DOCK1: variants seen among roughly 807,000 people sequenced by gnomAD.
DOCK1 encodes the protein dedicator of cytokinesis 1, also known as dedicator of cytokinesis protein 1.
Under a neutral mutation model 262.7 loss-of-function variants are expected in DOCK1, and 138 were observed. The observed-to-expected ratio is 0.53, with a 90% CI of 0.46 to 0.61. The LOEUF (loss-of-function observed/expected upper bound fraction) is 0.61, where lower values mean the gene tolerates loss of function less well. Ranked by LOEUF, DOCK1 falls within the 20% of genes least tolerant of loss-of-function variation. DOCK1 has a pLI of 0.00. For missense variants in DOCK1, 1,908 were observed against 2,370.7 expected, an observed-to-expected ratio of 0.80 and a Z score of 4.05; for synonymous variants, 866 against 867.4, an observed-to-expected ratio of 1.00 and a Z score of 0.03.
Position 127,175,208 on chromosome 10 carries a change from A to C in DOCK1, c.2847+47444A>C. ...CTTCCTAAGACATGGGTGAACATAC[A>C]TACCCTTCCCGATGGGCCTCTCCTT... is the stretch of plus-strand genomic sequence containing the variant. On this transcript the variant is annotated intron_variant, in intron 27 of 51. Transcript: ENST00000623213. The surrounding 1 kb of genome is among the most constrained non-coding windows in gnomAD (Gnocchi z 6.3). 6.2e-7 allele frequency: 1 copy of C among 1,607,516 alleles called. No individual in the cohort carries two copies. The highest frequency in any genetic ancestry group is 1.7e-5 in the Admixed American group (1 of 59,706).
At chr10:127,384,947 T>C (rs2066023952) in intron 38 of DOCK1, 38 bp downstream of exon 38, 1 of 1,539,724 alleles carries the variant, frequency 6.5e-7, no homozygotes, top group Non-Finnish European at 8.7e-7. Context: ...TTTTCCTCTT[T>C]CCATGCACCT....
chr10:127,090,107 ATGCTTC>A (rs2047428573), intron 23 of DOCK1, among the ~76,000 whole-genome samples: 1 of 152,070 alleles, frequency 6.6e-6, no homozygotes, highest in African/African-American at 2.4e-5. Flanking sequence ...GGACACTGGG[ATGCTTC>A]TCCTTTCTGG....
chr10:127,187,918 G>A (rs935533332), intron 27 of DOCK1, among the ~76,000 whole-genome samples: 16 of 152,112 alleles, frequency 1.1e-4, no homozygotes, highest in Non-Finnish European at 2.1e-4. Context: ...ATGCACATAC[G>A]ATAAAGAACC....
At chr10:127,107,300 G>A (rs1261322198) in intron 24 of DOCK1, among the ~76,000 whole-genome samples, 1 of 152,082 alleles carries the variant, frequency 6.6e-6, no homozygotes, top group Admixed American at 6.5e-5. Flanking sequence ...CGGTGAAACG[G>A]AATAAAAAAT....
chr10:127,425,758 G>A (rs2068773484), intron 46 of DOCK1, 116 bp from the exon 47 acceptor site: 2 of 1,456,446 alleles, frequency 1.4e-6, no homozygotes, highest in Admixed American at 4.1e-5. Flanking sequence ...GAATCAGCTG[G>A]TTTGATTTGG....
In DOCK1 at chr10:127,215,706, A is replaced by C. The variant is rs560462084; in HGVS notation, c.2848-32302A>C. 3.6e-4 allele frequency among the ~76,000 whole-genome samples: 55 copies of C among 152,262 alleles called. 2 individuals are homozygous for C. In the South Asian group the frequency reaches 7.1e-3, roughly 20 times the overall value. On this transcript the variant is annotated intron_variant, in intron 27 of 51. Coordinates refer to ENST00000623213, the MANE Select transcript of DOCK1 (RefSeq NM_001290223.2). ...CCCAAGGTTGATTTCAAGATATATTAAATTGACCTAAAGAAAAATAAGTAG... is the reference window on the plus strand; with the variant it reads ...CCCAAGGTTGATTTCAAGATATATTCAATTGACCTAAAGAAAAATAAGTAG...
chr10:127,134,079 C>T (rs2050495502), intron 27 of DOCK1, among the ~76,000 whole-genome samples: 1 of 152,160 alleles, frequency 6.6e-6, no homozygotes, highest in Non-Finnish European at 1.5e-5. Flanking sequence ...TCTAAACAGG[C>T]CATGGTGTTA....
At chr10:127,399,975 G>A (rs1367468242) in intron 38 of DOCK1, among the ~76,000 whole-genome samples, 3 of 152,152 alleles carry the variant, frequency 2.0e-5, no homozygotes, top group Admixed American at 2.0e-4. Flanking sequence ...TAAACCTTCA[G>A]CAGGATGGGG....
intron 27 of DOCK1, among the ~76,000 whole-genome samples, chr10:127,142,398 T>C (rs1318087151): frequency 6.6e-6 from 1 of 152,138 alleles, no homozygotes; most frequent in Non-Finnish European, 1.5e-5. Flanking sequence ...GCCCTCCTGC[T>C]GGAGGGATCT....
chr10:127,125,314 G>A lies in DOCK1; in HGVS notation c.2624-160G>A, dbSNP rs190968735. On this transcript the variant is annotated intron_variant, in intron 25 of 51. Coordinates refer to ENST00000623213, the MANE Select transcript of DOCK1 (RefSeq NM_001290223.2). ...AATTATTTACAATAACAGCAGACAC[G>A]GTGTTCTCACAGTCAAGTAATTGAC... Among the ~76,000 whole-genome samples the A allele has an allele frequency of 9.9e-5, 15 of 152,258 alleles. No homozygotes were observed. In the East Asian group the frequency reaches 2.3e-3, roughly 23 times the overall value.
intron 48 of DOCK1, 121 bp from the exon 49 acceptor site, chr10:127,438,905 CT>C: frequency 1.6e-5 from 17 of 1,030,344 alleles, no homozygotes; most frequent in Non-Finnish European, 2.4e-5. Flanking sequence ...CACCCTTGGC[CT>C]CCCTTTTAAA....
At chr10:127,050,454 G>A (rs1591812871) in intron 21 of DOCK1, among the ~76,000 whole-genome samples, 1 of 151,830 alleles carries the variant, frequency 6.6e-6, no homozygotes, top group Non-Finnish European at 1.5e-5. Flanking sequence ...GGCTCACACC[G>A]GTAATCCCAG....
rs373561155 is a variant in DOCK1 at position 126,923,690 on chromosome 10, G to A, written c.46+18127G>A. Among the ~76,000 whole-genome samples the A allele has an allele frequency of 4.6e-4, 70 of 152,300 alleles. 2 individuals carry two copies. The South Asian group carries it at 0.014, about 30-fold the overall frequency. On this transcript the variant is annotated intron_variant, in intron 1 of 51. Coordinates refer to ENST00000623213, the MANE Select transcript of DOCK1 (RefSeq NM_001290223.2). Reference sequence around the variant, plus strand: ...AGCAATCTGCCACGGAGAAAGGAGCGCCATTCTCGGCATCTCTCTCCATGT... The same window carrying A: ...AGCAATCTGCCACGGAGAAAGGAGCACCATTCTCGGCATCTCTCTCCATGT...
intron 27 of DOCK1, among the ~76,000 whole-genome samples, chr10:127,187,038 C>T (rs1449524358): frequency 1.3e-5 from 2 of 152,320 alleles, no homozygotes; most frequent in East Asian, 3.9e-4. Context: ...AACCCCATCT[C>T]CTGTCCAGAA....
chr10:127,147,245 G>C (rs919319780), intron 27 of DOCK1, among the ~76,000 whole-genome samples: 7 of 152,168 alleles, frequency 4.6e-5, no homozygotes, highest in African/African-American at 1.4e-4. Context: ...CTGTCTAAGG[G>C]GGAGTGTTCA....
chr10:127,138,127 A>AT, intron 27 of DOCK1: 3 of 984,168 alleles, frequency 3.0e-6, no homozygotes, highest in Admixed American at 2.6e-5. Flanking sequence ...TTGTAATGTA[A>AT]TTTTATGGTT....
At chr10:127,338,956 A>G (rs1012294760) in intron 29 of DOCK1, 50 bp from the exon 30 acceptor site, 1 of 1,474,440 alleles carries the variant, frequency 6.8e-7, no homozygotes. Context: ...AACCTACCGA[A>G]GTGCCAGAGC....
intron 21 of DOCK1, among the ~76,000 whole-genome samples, chr10:127,045,845 G>T (rs1332864614): frequency 7.2e-5 from 11 of 152,138 alleles, no homozygotes; most frequent in Admixed American, 7.2e-4. Flanking sequence ...CTCCTCACTG[G>T]CAACTGATGC....
At chr10:127,282,731 C>T (rs10829688) in intron 29 of DOCK1, among the ~76,000 whole-genome samples, 64,463 of 152,132 alleles carry the variant, frequency 0.42, 13,772 homozygotes, top group Admixed American at 0.47. Context: ...CAGTTGACTG[C>T]ATATTCTCCT....
Sources: gnomAD v4.1 joint callset for allele counts (sites outside exome capture counted in the v4.1 genomes callset) on GRCh38, gnomAD v4.1.1 for gene constraint, Gnocchi (gnomAD v3.1) non-coding constraint, MANE v1.5 for transcripts, NCBI Gene and HGNC (gene_info 2026-07-23, HGNC 2026-07-21) for gene names.